Variants in ATP8A1 observed in about 807,000 individuals in gnomAD.
The protein encoded by ATP8A1 is ATPase phospholipid transporting 8A1, also known as phospholipid-transporting ATPase IA.
In ATP8A1, 90 loss-of-function variants were observed where a neutral mutation model predicts 177.7. The ratio of observed to expected loss-of-function variants is 0.51; its 90% CI spans 0.43 to 0.60. The LOEUF is 0.60. Ranked by LOEUF, ATP8A1 falls within the 20% of genes least tolerant of loss-of-function variation. The probability of loss-of-function intolerance (pLI) is 0.00; values close to 1 mark genes in which losing one functional copy is unlikely to be tolerated. For missense variants in ATP8A1, 1,072 were observed against 1,392.8 expected (o/e 0.77, Z 3.67); for synonymous variants, 493 against 485.9 (o/e 1.01, Z -0.19).
chr4:42,633,411 G>A (rs919476174), intron 1 of ATP8A1, among the ~76,000 whole-genome samples: 8 of 152,140 alleles, frequency 5.3e-5, no homozygotes, highest in African/African-American at 1.2e-4. Context: ...AATAAGACCT[G>A]TTGTTCATTC....
rs114559149 is a variant in ATP8A1, at chr4:42,553,742, G to A, written c.1414-1132C>T. 8.4e-4 allele frequency among the ~76,000 whole-genome samples: 128 copies of A among 152,282 alleles called. 1 individual carries two copies. The highest frequency in any genetic ancestry group is 4.3e-3 in the South Asian group (21 of 4,830). On this transcript the variant is annotated intron_variant, in intron 16 of 36. Transcript: ENST00000381668. ...TGGTCCCTGCCATGTGAAGCTTGGC[G>A]TTGTGGGGAAGACCGAACACAAATA...
chr4:42,441,130 A>C (rs1339172301), intron 33 of ATP8A1, among the ~76,000 whole-genome samples: 1 of 152,168 alleles, frequency 6.6e-6, no homozygotes, highest in East Asian at 1.9e-4. Context: ...TATCATAAAC[A>C]TGTCAAGGCA....
chr4:42,571,032 A>G (rs1017881197), intron 14 of ATP8A1, among the ~76,000 whole-genome samples: 10 of 152,236 alleles, frequency 6.6e-5, no homozygotes, highest in African/African-American at 2.4e-4. Context: ...TGCATTATCT[A>G]TCAAAGTGTC....
In ATP8A1 at chr4:42,485,493, T is replaced by C. The variant is rs776522790; in HGVS notation, c.2324+3A>G. 3.1e-6 allele frequency: 5 copies of C among 1,606,796 alleles called. No homozygotes were observed. The highest frequency in any genetic ancestry group is 4.2e-6 in the Non-Finnish European group (5 of 1,176,824). On this transcript the variant is annotated splice_donor_region_variant and intron_variant, in intron 25 of 36. Coordinates refer to ENST00000381668, the MANE Select transcript of ATP8A1 (RefSeq NM_006095.2). The stretch of plus-strand genomic sequence containing the variant: ...AAATCTGACAATGATAAGGAGAACT[T>C]ACCGACAGCAAATGACAGCTTTGCA...
intron 24 of ATP8A1, among the ~76,000 whole-genome samples, chr4:42,489,696 T>C (rs1296231511): frequency 1.3e-5 from 2 of 152,214 alleles, no homozygotes; most frequent in Admixed American, 6.5e-5. Flanking sequence ...TCAAATTCTT[T>C]TATTTATGAA....
Position 42,411,708 on chromosome 4 carries a change from G to A in ATP8A1, c.*1208C>T, listed in dbSNP as rs1339712223. 1 of 152,038 alleles carries A rather than the reference G, an allele frequency of 6.6e-6. No individual in the cohort carries two copies. Among genetic ancestry groups the A allele is most frequent in the Non-Finnish European group, 1.5e-5 (1 of 68,006 alleles). The allele number at this position is 152,038 out of a possible 1,614,324, so 9.4% of individuals were successfully genotyped here. The stretch of plus-strand genomic sequence containing the variant: ...CGTGTCCTCTGACTGTAAAGTTACC[G>A]GCCTGAGTAAAATCCGCATTTTTTA... On this transcript the variant is annotated 3_prime_UTR_variant, in exon 37 of 37. Coordinates refer to ENST00000381668, the MANE Select transcript of ATP8A1 (RefSeq NM_006095.2).
At chr4:42,622,598 G>C (rs1229172112) in intron 4 of ATP8A1, among the ~76,000 whole-genome samples, 1 of 152,018 alleles carries the variant, frequency 6.6e-6, no homozygotes. Flanking sequence ...AAACAACAGA[G>C]TAAACAGACA....
At chr4:42,488,238 A>G (rs1428692300) in intron 24 of ATP8A1, among the ~76,000 whole-genome samples, 3 of 152,338 alleles carry the variant, frequency 2.0e-5, no homozygotes, top group Middle Eastern at 3.4e-3. Context: ...CATTTAAGTT[A>G]ACACTTGCTA....
chr4:42,449,122 C>T (rs1717643889), intron 30 of ATP8A1, among the ~76,000 whole-genome samples: 1 of 152,200 alleles, frequency 6.6e-6, no homozygotes, highest in Non-Finnish European at 1.5e-5. Context: ...AGGTGTGAGC[C>T]ACCATGCCCA....
intron 9 of ATP8A1, among the ~76,000 whole-genome samples, chr4:42,582,012 C>A (rs892389430): frequency 3.3e-5 from 5 of 152,116 alleles, no homozygotes; most frequent in African/African-American, 1.2e-4. Flanking sequence ...GTTCTTACCA[C>A]CAATGTAATG....
chr4:42,537,252 A>C (rs189967862), intron 20 of ATP8A1, among the ~76,000 whole-genome samples: 4,080 of 152,222 alleles, frequency 0.027, 80 homozygotes, highest in South Asian at 0.094. Flanking sequence ...CAATATTGAC[A>C]CAGAAGAGGC....
intron 15 of ATP8A1, among the ~76,000 whole-genome samples, chr4:42,559,011 C>T (rs1730538508): frequency 6.6e-6 from 1 of 152,160 alleles, no homozygotes; most frequent in Non-Finnish European, 1.5e-5. Context: ...CCTGTCTCTG[C>T]AAAAAATTAA....
At chr4:42,489,272 G>A (rs1005159275) in intron 24 of ATP8A1, among the ~76,000 whole-genome samples, 15 of 152,182 alleles carry the variant, frequency 9.9e-5, no homozygotes, top group African/African-American at 3.6e-4. Context: ...AAGACCGAAA[G>A]TCAAGTAAAC....
intron 25 of ATP8A1, chr4:42,472,237 C>A: frequency 1.7e-6 from 1 of 581,100 alleles, no homozygotes; most frequent in South Asian, 1.4e-5. Flanking sequence ...CTGTGTGAAA[C>A]TGGATGACAG....
intron 14 of ATP8A1, among the ~76,000 whole-genome samples, chr4:42,569,974 AATCAT>A (rs1225655733): frequency 1.3e-5 from 2 of 152,152 alleles, no homozygotes; most frequent in Admixed American, 1.3e-4. Context: ...TTCATAATAT[AATCAT>A]ATACTTTTCC....
intron 6 of ATP8A1, among the ~76,000 whole-genome samples, chr4:42,596,444 C>T (rs1187710638): frequency 6.6e-6 from 1 of 151,578 alleles, no homozygotes; most frequent in African/African-American, 2.4e-5. Flanking sequence ...CTGAGGCGGG[C>T]GGATCACCTG....
chr4:42,600,339 C>T, intron 6 of ATP8A1, 139 bp downstream of exon 6: 1 of 491,870 alleles, frequency 2.0e-6, no homozygotes. Context: ...CTGAAGATGC[C>T]ATGCATGTTT....
intron 30 of ATP8A1, among the ~76,000 whole-genome samples, chr4:42,451,315 T>A (rs73235570): frequency 6.6e-6 from 1 of 152,124 alleles, no homozygotes; most frequent in East Asian, 1.9e-4. Flanking sequence ...ACCGTAGTAT[T>A]GAAGCAGGCA....
At chr4:42,467,598 C>T (rs545788553) in intron 25 of ATP8A1, among the ~76,000 whole-genome samples, 7 of 152,172 alleles carry the variant, frequency 4.6e-5, no homozygotes, top group Non-Finnish European at 1.0e-4. Flanking sequence ...GAAGCTGAGT[C>T]AGGAGAATCG....
Sources: gnomAD v4.1 joint callset for allele counts (sites outside exome capture counted in the v4.1 genomes callset) on GRCh38, gnomAD v4.1.1 for gene constraint, MANE v1.5 for transcripts, NCBI Gene and HGNC (gene_info 2026-07-23, HGNC 2026-07-21) for gene names.